The following ATP2C2 variants were observed in gnomAD, a reference collection of about 807,000 sequenced individuals.
The protein encoded by ATP2C2 is calcium-transporting ATPase type 2C member 2.
In ATP2C2, 171 loss-of-function variants were observed where a neutral mutation model predicts 110.8. The observed-to-expected ratio is 1.54, with a 90% CI of 1.36 to 1.75. The LOEUF is 1.75. ATP2C2 is among the 40% of genes most tolerant of loss of function. ATP2C2 has a pLI of 0.00. For synonymous variants in ATP2C2, 804 were observed against 508.4 expected, an observed-to-expected ratio of 1.58 and a Z score of -7.82; for missense variants, 1,963 against 1,235.0, an observed-to-expected ratio of 1.59 and a Z score of -8.84.
intron 26 of ATP2C2, chr16:84,462,948 C>T (rs1168221281): frequency 6.5e-6 from 1 of 153,756 alleles, no homozygotes; most frequent in Non-Finnish European, 1.4e-5. Context: ...GGATGGTCAA[C>T]TCTGCCTTGT....
At chr16:84,376,454 C>T (rs1028742192) in intron 1 of ATP2C2, among the ~76,000 whole-genome samples, 3 of 152,238 alleles carry the variant, frequency 2.0e-5, no homozygotes, top group Admixed American at 2.0e-4. Context: ...GTGTGTTCAA[C>T]CTGCAGCCCA....
At chr16:84,422,750 T>C in intron 9 of ATP2C2, 53 bp downstream of exon 9, 1 of 1,537,664 alleles carries the variant, frequency 6.5e-7, no homozygotes, top group Admixed American at 2.0e-5. Context: ...TTTGAGATTA[T>C]TATAGGCAAA....
At chr16:84,458,631 A>G (rs1352585381) in intron 21 of ATP2C2, among the ~76,000 whole-genome samples, 6 of 152,338 alleles carry the variant, frequency 3.9e-5, no homozygotes, top group Admixed American at 1.3e-4. Context: ...CCCCAGGTCA[A>G]GGTTTAAAAG....
chr16:84,455,441 C>G (rs1910706776), intron 21 of ATP2C2, among the ~76,000 whole-genome samples: 2 of 152,150 alleles, frequency 1.3e-5, no homozygotes, highest in Admixed American at 1.3e-4. Flanking sequence ...TCAGGCATTG[C>G]AAAGAGACCT....
At chr16:84,384,028 A>G (rs535421055) in intron 1 of ATP2C2, among the ~76,000 whole-genome samples, 64 of 152,208 alleles carry the variant, frequency 4.2e-4, no homozygotes, top group African/African-American at 1.5e-3. Context: ...AGCTCAAGCA[A>G]TCCTCCCACC....
At chr16:84,461,586 C>G (rs1213569636) in intron 24 of ATP2C2, 128 bp from the exon 25 acceptor site, 8 of 817,518 alleles carry the variant, frequency 9.8e-6, no homozygotes, top group African/African-American at 1.7e-5. Flanking sequence ...AGCTGTGTGA[C>G]CGATTCATGA....
intron 11 of ATP2C2, among the ~76,000 whole-genome samples, chr16:84,431,963 T>C (rs1038186632): frequency 1.2e-4 from 18 of 151,820 alleles, no homozygotes; most frequent in Non-Finnish European, 2.1e-4. Flanking sequence ...GTTTGGGGCA[T>C]TGGAAGAGCA....
At chr16:84,412,806 C>G (rs1265355869) in intron 6 of ATP2C2, among the ~76,000 whole-genome samples, 1 of 151,984 alleles carries the variant, frequency 6.6e-6, no homozygotes, top group Non-Finnish European at 1.5e-5. Context: ...AGAAGGTATC[C>G]TGTGATCAGC....
chr16:84,393,653 G>A (rs978161449), intron 1 of ATP2C2, among the ~76,000 whole-genome samples: 1 of 151,994 alleles, frequency 6.6e-6, no homozygotes, highest in Non-Finnish European at 1.5e-5. Flanking sequence ...TGTTTAAAGT[G>A]GAAACCCATG....
At chr16:84,394,645 C>G (rs1904862414) in intron 1 of ATP2C2, among the ~76,000 whole-genome samples, 1 of 152,112 alleles carries the variant, frequency 6.6e-6, no homozygotes. Context: ...TCTCTGGAGG[C>G]TCCAGGGGAG....
chr16:84,425,834 A>G (rs756468424), intron 11 of ATP2C2, 33 bp downstream of exon 11: 2 of 1,609,134 alleles, frequency 1.2e-6, no homozygotes, highest in East Asian at 2.2e-5. Flanking sequence ...TTGCCTTGCC[A>G]GGGTGGTCAA....
At chr16:84,394,551 A>G (rs1277164941) in intron 1 of ATP2C2, among the ~76,000 whole-genome samples, 1 of 152,110 alleles carries the variant, frequency 6.6e-6, no homozygotes. Context: ...AGTACCAAAA[A>G]TGTGGTGGCT....
intron 1 of ATP2C2, among the ~76,000 whole-genome samples, chr16:84,388,324 C>CAA (rs61000660): frequency 1.6e-4 from 23 of 143,594 alleles, no homozygotes; most frequent in Middle Eastern, 3.6e-3. Flanking sequence ...GACTCTGTCT[C>CAA]AAAAAAAAAA....
At chr16:84,425,636 G>C in intron 10 of ATP2C2, 99 bp from the exon 11 acceptor site, 1 of 1,323,834 alleles carries the variant, frequency 7.6e-7, no homozygotes, top group East Asian at 2.3e-5. Context: ...CTCTGTGCAT[G>C]CATTCCTGTA....
Position 84,406,695 on chromosome 16 carries a change from G to A in ATP2C2, c.327+1451G>A, listed in dbSNP as rs912317451. ...AGCCCAGAAGCTTCCTAAAACTGCAGGGCTGAGAAGAGGCAGTGGAGGCTC... is the reference window on the plus strand; with the variant it reads ...AGCCCAGAAGCTTCCTAAAACTGCAAGGCTGAGAAGAGGCAGTGGAGGCTC... On this transcript the variant is annotated intron_variant, in intron 3 of 26. Coordinates refer to ENST00000262429, the MANE Select transcript of ATP2C2 (RefSeq NM_014861.4). 8.2e-5 allele frequency: 80 copies of A among 970,136 alleles called. No individual in the cohort carries two copies. In the African/African-American group the frequency reaches 1.3e-3, roughly 16 times the overall value. The allele number at this position is 970,136 out of a possible 1,614,324, so 60.1% of individuals were successfully genotyped here.
At chr16:84,449,974 G>T (rs931944822) in intron 17 of ATP2C2, among the ~76,000 whole-genome samples, 14 of 152,224 alleles carry the variant, frequency 9.2e-5, no homozygotes, top group African/African-American at 3.4e-4. Context: ...AATCCCCACC[G>T]GGCAGAGGAG....
At chr16:84,417,942 A>T (rs1597799042) in intron 7 of ATP2C2, among the ~76,000 whole-genome samples, 3 of 152,246 alleles carry the variant, frequency 2.0e-5, no homozygotes. Context: ...TAGCAGGTTC[A>T]GCAGGAAGCA....
chr16:84,384,365 G>C (rs984996104), intron 1 of ATP2C2, among the ~76,000 whole-genome samples: 1 of 152,148 alleles, frequency 6.6e-6, no homozygotes, highest in Admixed American at 6.5e-5. Flanking sequence ...CTTGATTTGA[G>C]TTTGTCTAAT....
intron 17 of ATP2C2, among the ~76,000 whole-genome samples, chr16:84,449,273 C>G (rs1244418979): frequency 6.6e-6 from 1 of 152,212 alleles, no homozygotes; most frequent in East Asian, 1.9e-4. Flanking sequence ...CTTCGGGGAA[C>G]AGAGTTTGTA....
Sources: allele counts gnomAD v4.1 joint callset (sites outside exome capture counted in the v4.1 genomes callset), GRCh38; gene constraint gnomAD v4.1.1; transcripts MANE v1.5; gene names NCBI Gene and HGNC (gene_info 2026-07-23, HGNC 2026-07-21).